Variants in UBE2D1 observed in about 807,000 individuals in gnomAD.
UBE2D1 encodes ubiquitin conjugating enzyme E2 D1, also known as ubiquitin-conjugating enzyme E2 D1.
Under a neutral mutation model 24.6 loss-of-function variants are expected in UBE2D1, and 9 were observed. That is an observed-to-expected ratio of 0.37 (90% CI 0.22 to 0.64). UBE2D1 has a LOEUF of 0.64. Among genes scored for constraint, UBE2D1 ranks in the 30% least tolerant of loss-of-function variants. The probability of loss-of-function intolerance (pLI) is 0.64; values close to 1 mark genes in which losing one functional copy is unlikely to be tolerated. For missense variants in UBE2D1, 87 were observed against 177.1 expected, an observed-to-expected ratio of 0.49 and a Z score of 2.89; for synonymous variants, 57 against 57.6, an observed-to-expected ratio of 0.99 and a Z score of 0.04.
Position 58,346,622 on chromosome 10 carries a change from A to G in UBE2D1, c.24+11397A>G, listed in dbSNP as rs1216778029. Among the ~76,000 whole-genome samples, 3 of 152,176 alleles carry G rather than the reference A, an allele frequency of 2.0e-5. No homozygotes were observed. In the East Asian group the frequency reaches 5.8e-4, roughly 29 times the overall value. ...GCAACTAAAGGCAAGATTAAAAGTC[A>G]TGGCTGGTGCAGAGAGCACTGGGGA... On this transcript the variant is annotated intron_variant, in intron 1 of 6. Transcript: ENST00000373910.
At chr10:58,362,744 T>C (rs955187193) in intron 3 of UBE2D1, among the ~76,000 whole-genome samples, 3 of 152,094 alleles carry the variant, frequency 2.0e-5, no homozygotes, top group African/African-American at 4.8e-5. Context: ...AAACAATATA[T>C]ATAGTAAGAA....
chr10:58,350,978 A>G (rs935382658), intron 1 of UBE2D1, among the ~76,000 whole-genome samples: 2 of 152,250 alleles, frequency 1.3e-5, no homozygotes, highest in African/African-American at 4.8e-5. Context: ...ATATTTGTGC[A>G]TTTAAATATA....
In UBE2D1 at chr10:58,368,862, C is replaced by A; in HGVS notation, c.*97C>A. 1.4e-6 allele frequency: 1 copy of A among 717,740 alleles called. No individual in the cohort carries two copies. Among genetic ancestry groups the A allele is most frequent in the Non-Finnish European group, 2.1e-6 (1 of 474,380 alleles). The allele number at this position is 717,740 out of a possible 1,614,324, so 44.5% of individuals were successfully genotyped here. A position where few individuals can be genotyped will look rare whatever the true frequency, so the allele number is the denominator to read the frequency against. ...GAGCACTGTTTACTGTTTCATTGTACCATGAAACCATTTGATTTTTACCCA... is the reference window on the plus strand; with the variant it reads ...GAGCACTGTTTACTGTTTCATTGTAACATGAAACCATTTGATTTTTACCCA... On this transcript the variant is annotated 3_prime_UTR_variant, in exon 7 of 7. Coordinates refer to ENST00000373910, the MANE Select transcript of UBE2D1 (RefSeq NM_003338.5).
rs559245616 is a variant in UBE2D1 at position 58,370,562 on chromosome 10, C to G, written c.*1797C>G. 94 of 152,266 alleles carry G rather than the reference C, an allele frequency of 6.2e-4. No individual in the cohort carries two copies. Among genetic ancestry groups the G allele is most frequent in the Non-Finnish European group, 2.5e-4 (17 of 67,896 alleles). The allele number at this position is 152,266 out of a possible 1,614,324, so 9.4% of individuals were successfully genotyped here. On this transcript the variant is annotated 3_prime_UTR_variant, in exon 7 of 7. Transcript: ENST00000373910. ...TTCTACTTAGCTATATTATTATAAG[C>G]TACATTTGCCCTGAATTTGAACACT... is the stretch of plus-strand genomic sequence containing the variant.
At chr10:58,351,132 A>G (rs1840071772) in intron 1 of UBE2D1, among the ~76,000 whole-genome samples, 1 of 152,194 alleles carries the variant, frequency 6.6e-6, no homozygotes, top group South Asian at 2.1e-4. Context: ...GTGAATGTGA[A>G]GGCCTTGGGC....
chr10:58,364,499 G>A (rs924087997), intron 4 of UBE2D1: 3 of 263,452 alleles, frequency 1.1e-5, no homozygotes, highest in East Asian at 7.2e-5. Context: ...CAGTCATACC[G>A]GCTACTAGAG....
chr10:58,367,249 C>T, intron 5 of UBE2D1, among the ~76,000 whole-genome samples: 1 of 151,942 alleles, frequency 6.6e-6, no homozygotes, highest in South Asian at 2.1e-4. Context: ...TTGAAGCAGA[C>T]AAATGAGGAA....
intron 1 of UBE2D1, 36 bp downstream of exon 1, chr10:58,335,261 G>T: frequency 6.6e-7 from 1 of 1,506,138 alleles, no homozygotes; most frequent in Non-Finnish European, 8.8e-7. Flanking sequence ...CTGCGGGGCA[G>T]CGGCCCCCTG....
chr10:58,336,008 T>C (rs1173687842), intron 1 of UBE2D1, among the ~76,000 whole-genome samples: 1 of 152,244 alleles, frequency 6.6e-6, no homozygotes, highest in Admixed American at 6.5e-5. Flanking sequence ...TTTTGATGCT[T>C]TGACACATGG....
At chr10:58,359,013 TAAAAA>T (rs35713196) in intron 1 of UBE2D1, among the ~76,000 whole-genome samples, 1 of 115,168 alleles carries the variant, frequency 8.7e-6, no homozygotes, top group African/African-American at 3.4e-5. Context: ...ACCAGCTATT[TAAAAA>T]AAAAAAAAAA....
chr10:58,343,227 A>G (rs572942165), intron 1 of UBE2D1, among the ~76,000 whole-genome samples: 2 of 152,306 alleles, frequency 1.3e-5, no homozygotes, highest in African/African-American at 2.4e-5. Flanking sequence ...TTTCTAAGAA[A>G]TGGATGCCAA....
chr10:58,349,882 G>T (rs183068263), intron 1 of UBE2D1, among the ~76,000 whole-genome samples: 1 of 152,188 alleles, frequency 6.6e-6, no homozygotes, highest in African/African-American at 2.4e-5. Flanking sequence ...GTTTTTGAAC[G>T]TTATTTAAGG....
intron 5 of UBE2D1, among the ~76,000 whole-genome samples, chr10:58,365,473 C>T (rs1248395759): frequency 2.0e-5 from 3 of 152,220 alleles, no homozygotes; most frequent in African/African-American, 7.2e-5. Flanking sequence ...ACATTTCACA[C>T]TGTAGGATAA....
At chr10:58,347,658 T>TTTC (rs1840031314) in intron 1 of UBE2D1, among the ~76,000 whole-genome samples, 1 of 150,620 alleles carries the variant, frequency 6.6e-6, no homozygotes, top group African/African-American at 2.4e-5. Context: ...TTTTTTTTTT[T>TTTC]TGCCCCGAGA....
intron 1 of UBE2D1, among the ~76,000 whole-genome samples, chr10:58,336,841 G>GT (rs1287045076): frequency 1.3e-5 from 2 of 152,052 alleles, no homozygotes; most frequent in Non-Finnish European, 2.9e-5. Context: ...ATTTCATTGT[G>GT]TTTTTTTAAG....
chr10:58,361,082 T>G, intron 1 of UBE2D1: 1 of 552,340 alleles, frequency 1.8e-6, no homozygotes, highest in Admixed American at 3.1e-5. Context: ...TTAAATAGTT[T>G]TTCTCTTAGG....
At chr10:58,341,209 T>C (rs1205559412) in intron 1 of UBE2D1, among the ~76,000 whole-genome samples, 1 of 152,216 alleles carries the variant, frequency 6.6e-6, no homozygotes, top group Non-Finnish European at 1.5e-5. Context: ...AAGTTTTTAT[T>C]TGAGATAACT....
intron 1 of UBE2D1, among the ~76,000 whole-genome samples, chr10:58,349,582 A>G (rs974060682): frequency 1.3e-5 from 2 of 152,202 alleles, no homozygotes; most frequent in Non-Finnish European, 2.9e-5. Flanking sequence ...CTTTTCCATT[A>G]TATGAATTCT....
Position 58,368,023 on chromosome 10 carries a change from G to A in UBE2D1, c.398+7G>A, listed in dbSNP as rs1234786312. The A allele has an allele frequency of 1.9e-6, 3 of 1,591,032 alleles. No individual in the cohort carries two copies. Among genetic ancestry groups the A allele is most frequent in the Non-Finnish European group, 2.6e-6 (3 of 1,161,536 alleles). ...ATAAATCAGACAAAGAAAAGTAAGT[G>A]TTTACTTATTTTAGTTTCTGTATGG... On this transcript the variant is annotated splice_region_variant and intron_variant, in intron 6 of 6. Transcript: ENST00000373910.
Sources: gnomAD v4.1 joint callset for allele counts (sites outside exome capture counted in the v4.1 genomes callset) on GRCh38, gnomAD v4.1.1 for gene constraint, MANE v1.5 for transcripts, NCBI Gene and HGNC (gene_info 2026-07-23, HGNC 2026-07-21) for gene names.